The following CHODL variants were observed in gnomAD, a reference collection of about 807,000 sequenced individuals.
The protein encoded by CHODL is chondrolectin.
CHODL carries 29 observed loss-of-function variants against 34.5 expected under a neutral mutation model. The ratio of observed to expected loss-of-function variants is 0.84; its 90% confidence interval spans 0.63 to 1.15. CHODL has a LOEUF of 1.15. Among genes scored for constraint, CHODL ranks in the 50% most tolerant of loss-of-function variants. The pLI, the probability that CHODL is intolerant of heterozygous loss-of-function variation, is 0.00. For missense variants in CHODL, 332 were observed against 332.5 expected (o/e 1.00, Z 0.01); for synonymous variants, 125 against 116.1 (o/e 1.08, Z -0.49).
chr21:18,141,223 T>A (rs1049010216), intron 2 of CHODL, among the ~76,000 whole-genome samples: 1 of 152,138 alleles, frequency 6.6e-6, no homozygotes, highest in Admixed American at 6.6e-5. Context: ...AAGGCTAAAC[T>A]TACTGAAGGT....
intron 1 of CHODL, among the ~76,000 whole-genome samples, chr21:18,019,957 C>T (rs1390893620): frequency 1.3e-5 from 2 of 152,228 alleles, no homozygotes; most frequent in African/African-American, 4.8e-5. Context: ...TTGACCAAAA[C>T]ATGTCACATG....
chr21:18,247,204 G>T (rs1416710187), intron 1 of CHODL, among the ~76,000 whole-genome samples: 1 of 152,052 alleles, frequency 6.6e-6, no homozygotes, highest in Non-Finnish European at 1.5e-5. Context: ...TGTCTACCTG[G>T]TCAATGTAAG....
intron 2 of CHODL, among the ~76,000 whole-genome samples, chr21:18,105,599 A>G (rs1422547031): frequency 6.6e-6 from 1 of 152,140 alleles, no homozygotes; most frequent in Non-Finnish European, 1.5e-5. Flanking sequence ...ACATTCGAGT[A>G]CCCTAGAAGG....
intron 2 of CHODL, among the ~76,000 whole-genome samples, chr21:18,141,208 A>G (rs543330313): frequency 3.3e-4 from 50 of 152,252 alleles, no homozygotes; most frequent in African/African-American, 1.2e-3. Context: ...TTTATTTGGC[A>G]AGTAAAGGCT....
chr21:18,227,618 A>G (rs2073942392), intron 2 of CHODL, among the ~76,000 whole-genome samples: 1 of 152,148 alleles, frequency 6.6e-6, no homozygotes. Flanking sequence ...TCCAGTTACC[A>G]TCTATGCAAT....
intron 2 of CHODL, chr21:18,114,954 A>T (rs958262244): frequency 1.3e-5 from 2 of 152,264 alleles, no homozygotes; most frequent in African/African-American, 4.8e-5. Context: ...AGTTCAGCTG[A>T]CACTAGCAGA....
chr21:18,133,197 C>T (rs975139355), intron 2 of CHODL, among the ~76,000 whole-genome samples: 2 of 152,104 alleles, frequency 1.3e-5, no homozygotes. Flanking sequence ...AATATAAAAG[C>T]CCTTTGTGTG....
intron 1 of CHODL, among the ~76,000 whole-genome samples, chr21:17,970,073 C>G (rs191847715): frequency 6.6e-6 from 1 of 152,240 alleles, no homozygotes; most frequent in African/African-American, 2.4e-5. Context: ...GGTATTCACT[C>G]TCGTTTCTTT....
intron 1 of CHODL, among the ~76,000 whole-genome samples, chr21:17,975,064 A>AT (rs920063745): frequency 3.9e-5 from 6 of 152,178 alleles, no homozygotes; most frequent in Admixed American, 1.3e-4. Flanking sequence ...GCAGTGGCTC[A>AT]TGCCTGTAAT....
chr21:18,129,699 G>A (rs1264771115), intron 2 of CHODL, among the ~76,000 whole-genome samples: 1 of 152,076 alleles, frequency 6.6e-6, no homozygotes, highest in East Asian at 1.9e-4. Flanking sequence ...ATTTGCAGGA[G>A]GATATTTATC....
At chr21:17,935,755 G>A (rs1225646248) in intron 1 of CHODL, among the ~76,000 whole-genome samples, 1 of 152,218 alleles carries the variant, frequency 6.6e-6, no homozygotes, top group East Asian at 1.9e-4. Context: ...ATTGGAGAGA[G>A]ATTTGGAATA....
chr21:18,240,800 C>T (rs998583493), upstream of CHODL, among the ~76,000 whole-genome samples: 3 of 151,970 alleles, frequency 2.0e-5, no homozygotes, highest in Admixed American at 1.3e-4. Flanking sequence ...TTCTTTAGAT[C>T]TGATAGGATA....
chr21:18,038,099 A>G (rs992809965), intron 2 of CHODL, among the ~76,000 whole-genome samples: 4 of 151,790 alleles, frequency 2.6e-5, no homozygotes, highest in African/African-American at 9.6e-5. Flanking sequence ...AAGTTTACTA[A>G]GTTGCTTCCA....
In CHODL at chr21:18,159,097, C is replaced by T. The variant is rs1005307579; in HGVS notation, c.-44-97412C>T. On this transcript the variant is annotated intron_variant, in intron 2 of 6. Transcript: ENST00000400127. ...TTCTTAAATGCAGACACTTTTTACC[C>T]CGGGGATATTTGGCACTATCTGGAG... 3.9e-5 allele frequency among the ~76,000 whole-genome samples: 6 copies of T among 152,024 alleles called. 1 individual carries two copies. Among genetic ancestry groups the T allele is most frequent in the Admixed American group, 3.3e-4 (5 of 15,274 alleles).
chr21:18,148,898 AAG>A (rs2072931805), intron 2 of CHODL, among the ~76,000 whole-genome samples: 1 of 151,770 alleles, frequency 6.6e-6, no homozygotes, highest in Admixed American at 6.6e-5. Flanking sequence ...AAAAAAAAAA[AAG>A]GTCTGATGGA....
chr21:18,127,943 G>A (rs1207474401), intron 2 of CHODL, among the ~76,000 whole-genome samples: 1 of 151,598 alleles, frequency 6.6e-6, no homozygotes, highest in Admixed American at 6.6e-5. Context: ...TGGTGGAAAG[G>A]GTAACTGAAG....
At chr21:18,018,554 G>T (rs745309920) in intron 1 of CHODL, among the ~76,000 whole-genome samples, 1 of 152,080 alleles carries the variant, frequency 6.6e-6, no homozygotes, top group Non-Finnish European at 1.5e-5. Flanking sequence ...GTCTTCTGCC[G>T]TGAGTAAAAG....
intron 2 of CHODL, among the ~76,000 whole-genome samples, chr21:18,091,308 G>A (rs900463486): frequency 1.3e-5 from 2 of 152,200 alleles, no homozygotes; most frequent in African/African-American, 4.8e-5. Context: ...CAATGACTAG[G>A]CAACTCAGTG....
chr21:18,175,962 TCA>T (rs1432634744), intron 2 of CHODL, among the ~76,000 whole-genome samples: 1 of 152,180 alleles, frequency 6.6e-6, no homozygotes, highest in Admixed American at 6.5e-5. Context: ...GATTAGAAGT[TCA>T]GTTTTACAAA....
Sources: gnomAD v4.1 joint callset for allele counts (sites outside exome capture counted in the v4.1 genomes callset) on GRCh38, gnomAD v4.1.1 for gene constraint, MANE v1.5 for transcripts, NCBI Gene and HGNC (gene_info 2026-07-23, HGNC 2026-07-21) for gene names.